The following KLHL20 variants were observed in gnomAD, a reference collection of about 807,000 sequenced individuals.
KLHL20 encodes the protein kelch-like protein 20.
Under a neutral mutation model 69.5 loss-of-function variants are expected in KLHL20, and 29 were observed. That is an observed-to-expected ratio of 0.42 (90% CI 0.31 to 0.57). The LOEUF (loss-of-function observed/expected upper bound fraction) is 0.57, where lower values mean the gene tolerates loss of function less well. Ranked by LOEUF, KLHL20 falls within the 20% of genes least tolerant of loss-of-function variation. The probability of loss-of-function intolerance (pLI) is 0.18; values close to 1 mark genes in which losing one functional copy is unlikely to be tolerated. For synonymous variants in KLHL20, 253 were observed against 265.2 expected (o/e 0.95, Z 0.45); for missense variants, 419 against 776.0 (o/e 0.54, Z 5.47).
At chr1:173,722,883 C>A (rs112974759) in intron 2 of KLHL20, among the ~76,000 whole-genome samples, 1 of 151,812 alleles carries the variant, frequency 6.6e-6, no homozygotes, top group Non-Finnish European at 1.5e-5. Context: ...AGAGATGGAG[C>A]CTCACCATGT....
chr1:173,728,839 C>A (rs1351257952), intron 2 of KLHL20, among the ~76,000 whole-genome samples: 1 of 152,114 alleles, frequency 6.6e-6, no homozygotes, highest in Non-Finnish European at 1.5e-5. Flanking sequence ...AGAGCAAACA[C>A]ATTCAAAAGC....
intron 2 of KLHL20, among the ~76,000 whole-genome samples, chr1:173,722,476 G>A (rs1671755099): frequency 6.6e-6 from 1 of 151,876 alleles, no homozygotes; most frequent in African/African-American, 2.4e-5. Flanking sequence ...TTAAAATTAA[G>A]CCAGGCGTGG....
Position 173,753,686 on chromosome 1 carries a change from T to C in KLHL20, c.851+379T>C, listed in dbSNP as rs183176498. On this transcript the variant is annotated intron_variant, in intron 5 of 11. Transcript: ENST00000209884. ...GAACATTTTTTCCTTCCATCACATA[T>C]GTCTGGTTGGGGAATAGAATCAGCC... Among the ~76,000 whole-genome samples, 6 of 152,284 alleles carry C rather than the reference T, an allele frequency of 3.9e-5. No individual in the cohort carries two copies. The East Asian group carries it at 1.2e-3, about 29-fold the overall frequency.
Position 173,733,713 on chromosome 1 carries a change from G to C in KLHL20, c.24G>C (p.Arg8Ser). 1 of 1,610,078 alleles carries C rather than the reference G, an allele frequency of 6.2e-7. No homozygotes were observed. Among genetic ancestry groups the C allele is most frequent in the Non-Finnish European group, 8.5e-7 (1 of 1,177,286 alleles). The change falls in exon 3 of 12, where the codon AGG becomes AGC. Residue 8 changes from arginine (R) to serine (S), a missense_variant and splice_region_variant. Physicochemically the swap from Arg to Ser is moderately radical, Grantham distance 110. Transcript: ENST00000209884. MEGKPMRRCTNIRPGETG... is the reference protein window; with the variant it reads MEGKPMRSCTNIRPGETG... ...TCTCTCTCCCCCATCATTCCTATAG[G>C]TGTACCAACATTCGACCAGGAGAGA...
At chr1:173,748,769 AAG>A (rs1409938324) in intron 3 of KLHL20, among the ~76,000 whole-genome samples, 2 of 152,112 alleles carry the variant, frequency 1.3e-5, no homozygotes, top group African/African-American at 2.4e-5. Context: ...AGAAAAAAAA[AAG>A]AATTCTCTGC....
intron 2 of KLHL20, among the ~76,000 whole-genome samples, chr1:173,730,229 C>G (rs1268023767): frequency 2.6e-5 from 4 of 152,110 alleles, no homozygotes. Flanking sequence ...AGGACACAAA[C>G]AAATGGAAGA....
At chr1:173,781,927 T>G in intron 10 of KLHL20, 197 bp from the exon 11 acceptor site, 1 of 485,064 alleles carries the variant, frequency 2.1e-6, no homozygotes, top group Non-Finnish European at 3.7e-6. Context: ...TGTGTGAATA[T>G]TCTAATTGAA....
At chr1:173,727,187 A>C (rs1672014081) in intron 2 of KLHL20, among the ~76,000 whole-genome samples, 2 of 152,008 alleles carry the variant, frequency 1.3e-5, no homozygotes, top group Non-Finnish European at 1.5e-5. Context: ...CAAGAAGAGA[A>C]GTTTAGAGAA....
At chr1:173,746,427 T>C (rs1673061903) in intron 3 of KLHL20, among the ~76,000 whole-genome samples, 1 of 152,204 alleles carries the variant, frequency 6.6e-6, no homozygotes, top group Non-Finnish European at 1.5e-5. Flanking sequence ...TAATTTATTG[T>C]TAAGTTTTTC....
intron 3 of KLHL20, chr1:173,742,066 G>A: frequency 2.4e-6 from 1 of 410,422 alleles, no homozygotes; most frequent in Non-Finnish European, 4.3e-6. Flanking sequence ...ACAAACCGAT[G>A]ACCTAACAGA....
At chr1:173,781,214 G>T (rs1288462211) in intron 10 of KLHL20, among the ~76,000 whole-genome samples, 1 of 152,126 alleles carries the variant, frequency 6.6e-6, no homozygotes, top group Non-Finnish European at 1.5e-5. Context: ...AAGAGGTGAG[G>T]CTTAAATAGT....
rs1380820717 is a variant in KLHL20 at position 173,757,138 on chromosome 1, C to G, written c.1130C>G (p.Ser377Cys). Residue 377 changes from serine (S) to cysteine (C), a missense_variant, in exon 7 of 12, where the codon TCT (serine) becomes TGT (cysteine). Ser to Cys is a moderately radical substitution (Grantham distance 112, BLOSUM62 -1). Coordinates refer to ENST00000209884, the MANE Select transcript of KLHL20 (RefSeq NM_014458.4). Reference sequence around the variant, plus strand: ...GCAGTAGGAGGCCATGATGGATCCTCTTATCTCAATAGTGTTGAAAGGTGA... The same window carrying G: ...GCAGTAGGAGGCCATGATGGATCCTGTTATCTCAATAGTGTTGAAAGGTGA... ...LYAVGGHDGS[S>C]YLNSVERYDP... 1.9e-6 allele frequency: 3 copies of G among 1,613,262 alleles called. No individual in the cohort carries two copies. Among genetic ancestry groups the G allele is most frequent in the Non-Finnish European group, 2.5e-6 (3 of 1,179,450 alleles).
chr1:173,745,509 A>G (rs1039689191), intron 3 of KLHL20, among the ~76,000 whole-genome samples: 2 of 152,076 alleles, frequency 1.3e-5, no homozygotes, highest in African/African-American at 4.8e-5. Flanking sequence ...GTTGCTATCA[A>G]AAATAGGTTT....
rs368145002 is a variant in KLHL20, at chr1:173,733,797, G to C, written c.108G>C (p.Gly36=). ...TLGDPNKLPE[G]VPQPARMPYI... ...GAGACCCCAACAAACTGCCAGAAGG[G>C]GTTCCCCAACCTGCCCGCATGCCCT... The change falls in exon 3 of 12, where the codon GGG becomes GGC. Residue 36 remains glycine (G), a synonymous_variant. Transcript: ENST00000209884. 1.9e-6 allele frequency: 3 copies of C among 1,613,938 alleles called. No homozygotes were observed. Among genetic ancestry groups the C allele is most frequent in the Non-Finnish European group, 2.5e-6 (3 of 1,180,020 alleles).
intron 7 of KLHL20, among the ~76,000 whole-genome samples, chr1:173,761,553 G>A (rs1264061882): frequency 6.6e-6 from 1 of 152,130 alleles, no homozygotes; most frequent in Non-Finnish European, 1.5e-5. Flanking sequence ...GACCACTGTG[G>A]AATAAAACTG....
At chr1:173,726,525 C>T (rs56195767) in intron 2 of KLHL20, among the ~76,000 whole-genome samples, 9,550 of 152,162 alleles carry the variant, frequency 0.063, 965 homozygotes, top group African/African-American at 0.21. Context: ...ACACCTCCAA[C>T]GGACGGGTAC....
In KLHL20 at chr1:173,785,764, AAAAC is replaced by A. The variant is rs1649170991; in HGVS notation, c.*520_*523del. 1 of 152,024 alleles carries A rather than the reference AAAAC, an allele frequency of 6.6e-6. No homozygotes were observed. Among genetic ancestry groups the A allele is most frequent in the Non-Finnish European group, 1.5e-5 (1 of 67,988 alleles). 9.4% of individuals were successfully genotyped at this position (152,024 alleles called of 1,614,324 possible). On this transcript the variant is annotated 3_prime_UTR_variant, in exon 12 of 12. Coordinates refer to ENST00000209884, the MANE Select transcript of KLHL20 (RefSeq NM_014458.4). ...GAAAATCTTAAAAAAAAAAAACAAA[AAAAC>A]AAGAAAAGGCAACATCTCATTTTAA... is the stretch of plus-strand genomic sequence containing the variant.
At chr1:173,726,142 C>T (rs1035674505) in intron 2 of KLHL20, among the ~76,000 whole-genome samples, 2 of 152,156 alleles carry the variant, frequency 1.3e-5, no homozygotes, top group African/African-American at 4.8e-5. Flanking sequence ...CAGAGCCTCA[C>T]TCATTGCTAG....
chr1:173,726,994 C>G (rs1379467344), intron 2 of KLHL20, among the ~76,000 whole-genome samples: 1 of 152,036 alleles, frequency 6.6e-6, no homozygotes, highest in Non-Finnish European at 1.5e-5. Flanking sequence ...AAGTTAAAAA[C>G]CTTGAAAAAA....
Sources: gnomAD v4.1 joint callset for allele counts (sites outside exome capture counted in the v4.1 genomes callset) on GRCh38, gnomAD v4.1.1 for gene constraint, MANE v1.5 for transcripts, NCBI Gene and HGNC (gene_info 2026-07-23, HGNC 2026-07-21) for gene names.